SLC6A3: variants seen among roughly 807,000 people sequenced by gnomAD.
SLC6A3 encodes solute carrier family 6 member 3.
In SLC6A3, 19 loss-of-function variants were observed where a neutral mutation model predicts 70.4. The ratio of observed to expected loss-of-function variants is 0.27; its 90% CI spans 0.19 to 0.40. The LOEUF (loss-of-function observed/expected upper bound fraction) is 0.40, where lower values mean the gene tolerates loss of function less well. Ranked by LOEUF, SLC6A3 falls within the 10% of genes least tolerant of loss-of-function variation. SLC6A3 has a pLI of 1.00. For missense variants in SLC6A3, 613 were observed against 838.5 expected, an observed-to-expected ratio of 0.73 and a Z score of 3.32; for synonymous variants, 368 against 356.6, an observed-to-expected ratio of 1.03 and a Z score of -0.36.
intron 4 of SLC6A3, among the ~76,000 whole-genome samples, chr5:1,427,881 A>G (rs1228302767): frequency 2.0e-5 from 3 of 152,236 alleles, no homozygotes; most frequent in Admixed American, 6.5e-5. Flanking sequence ...AAAGAAATAG[A>G]CAAATCTACA....
rs913305701 is a variant in SLC6A3 at position 1,406,088 on chromosome 5, C to G, written c.1599+100G>C. 2.3e-6 allele frequency: 2 copies of G among 852,108 alleles called. No individual in the cohort carries two copies. The highest frequency in any genetic ancestry group is 3.3e-5 in the African/African-American group (2 of 60,382). The allele number at this position is 852,108 out of a possible 1,614,324, so 52.8% of individuals were successfully genotyped here. ...GAGTCTTGAGGCCCCTGACTCCAGC[C>G]ACAGTGACAACCCACATGCGGGCGC... On this transcript the variant is annotated intron_variant, in intron 12 of 14. Transcript: ENST00000270349. The surrounding 1 kb of genome is among the most constrained non-coding windows in gnomAD (Gnocchi z 8.8).
In SLC6A3 at chr5:1,413,018, G is replaced by C. The variant is rs547160656; in HGVS notation, c.1157-1663C>G. Among the ~76,000 whole-genome samples, 1 of 152,362 alleles carries C rather than the reference G, an allele frequency of 6.6e-6. No individual in the cohort carries two copies. Among genetic ancestry groups the C allele is most frequent in the African/African-American group, 2.4e-5 (1 of 41,598 alleles). On this transcript the variant is annotated intron_variant, in intron 8 of 14. Transcript: ENST00000270349. This position sits in a 1 kb window ranked among gnomAD's most constrained non-coding sequence, Gnocchi z 7.1. ...CAGGGAATGTAATGTCAACACCCGT[G>C]CCTTCGTTTCTGTACCTAAGTTAAC...
At chr5:1,435,537 A>G (rs1756809286) in intron 3 of SLC6A3, among the ~76,000 whole-genome samples, 1 of 152,214 alleles carries the variant, frequency 6.6e-6, no homozygotes, top group Non-Finnish European at 1.5e-5. Flanking sequence ...GGAGCATGAC[A>G]TCACCATGGC....
At chr5:1,415,664 G>C (rs1039731435) in intron 7 of SLC6A3, among the ~76,000 whole-genome samples, 1 of 152,196 alleles carries the variant, frequency 6.6e-6, no homozygotes, top group Non-Finnish European at 1.5e-5. Context: ...GGCTTCAGGT[G>C]CCTGCCAGTA....
At chr5:1,419,283 C>T (rs1299676509) in intron 6 of SLC6A3, among the ~76,000 whole-genome samples, 2 of 148,480 alleles carry the variant, frequency 1.3e-5, no homozygotes, top group Non-Finnish European at 3.0e-5. Context: ...TATCTACCCA[C>T]CTATCATCCA....
Position 1,437,402 on chromosome 5 carries a change from G to T in SLC6A3, c.418+3957C>A, listed in dbSNP as rs537315151. 2.4e-4 allele frequency among the ~76,000 whole-genome samples: 37 copies of T among 152,096 alleles called. No homozygotes were observed. Among genetic ancestry groups the T allele is most frequent in the Admixed American group, 2.0e-4 (3 of 15,276 alleles). ...GACAGAACAGGAGAGAGACAGAGAG[G>T]AGAAGAGACAGAACAGGAGAGACAC... On this transcript the variant is annotated intron_variant, in intron 3 of 14. Coordinates refer to ENST00000270349, the MANE Select transcript of SLC6A3 (RefSeq NM_001044.5). The surrounding 1 kb of genome is among the most constrained non-coding windows in gnomAD (Gnocchi z 4.8).
chr5:1,406,125 G>T lies in SLC6A3; in HGVS notation c.1599+63C>A. On this transcript the variant is annotated intron_variant, in intron 12 of 14. Transcript: ENST00000270349. The surrounding 1 kb of genome is among the most constrained non-coding windows in gnomAD (Gnocchi z 8.8). The stretch of plus-strand genomic sequence containing the variant: ...CCACATGCGGGCGCTGGACCTCGGG[G>T]CAGGTGCCAGAGTGGGGGCAGTGGG... The T allele has an allele frequency of 8.2e-7, 1 of 1,224,942 alleles. No homozygotes were observed. Among genetic ancestry groups the T allele is most frequent in the Non-Finnish European group, 1.2e-6 (1 of 825,914 alleles). The allele number at this position is 1,224,942 out of a possible 1,614,324, so 75.9% of individuals were successfully genotyped here.
At chr5:1,432,790 C>T in intron 3 of SLC6A3, 92 bp from the exon 4 acceptor site, 2 of 868,414 alleles carry the variant, frequency 2.3e-6, no homozygotes, top group South Asian at 1.4e-5. Flanking sequence ...TCACGGGAGA[C>T]ATTACCCTGA....
intron 7 of SLC6A3, among the ~76,000 whole-genome samples, chr5:1,415,100 C>A (rs1054509191): frequency 2.6e-5 from 4 of 152,068 alleles, no homozygotes; most frequent in African/African-American, 7.2e-5. Context: ...GACACCTCAC[C>A]CAGGGCAGAT....
intron 4 of SLC6A3, among the ~76,000 whole-genome samples, chr5:1,430,782 G>A (rs1756681620): frequency 9.5e-5 from 1 of 10,474 alleles, no homozygotes; most frequent in African/African-American, 3.8e-4. Flanking sequence ...CAGAGGCGAG[G>A]TGGGGGCTTC....
At chr5:1,433,258 G>T (rs1394685863) in intron 3 of SLC6A3, among the ~76,000 whole-genome samples, 5 of 151,468 alleles carry the variant, frequency 3.3e-5, no homozygotes, top group Admixed American at 1.3e-4. Context: ...TACCTAGGGA[G>T]CCCATGCAAA....
chr5:1,416,406 G>A, intron 6 of SLC6A3: 1 of 618,826 alleles, frequency 1.6e-6, no homozygotes, highest in Non-Finnish European at 2.9e-6. Context: ...AAGAGCCTGA[G>A]AAGCAGGGGG....
chr5:1,438,148 A>T lies in SLC6A3; in HGVS notation c.418+3211T>A, dbSNP rs772021520. Among the ~76,000 whole-genome samples, 2 of 152,240 alleles carry T rather than the reference A, an allele frequency of 1.3e-5. No individual in the cohort carries two copies. The highest frequency in any genetic ancestry group is 2.9e-5 in the Non-Finnish European group (2 of 68,040). ...AAGTCCAGCTTTCTTGCACTGATTCATCTATCCCTTCGTGGGTCGAACAGT... is the reference window on the plus strand; with the variant it reads ...AAGTCCAGCTTTCTTGCACTGATTCTTCTATCCCTTCGTGGGTCGAACAGT... On this transcript the variant is annotated intron_variant, in intron 3 of 14. Coordinates refer to ENST00000270349, the MANE Select transcript of SLC6A3 (RefSeq NM_001044.5). This position sits in a 1 kb window ranked among gnomAD's most constrained non-coding sequence, Gnocchi z 6.5.
At chr5:1,416,889 G>A (rs191676337) in intron 6 of SLC6A3, among the ~76,000 whole-genome samples, 7 of 151,544 alleles carry the variant, frequency 4.6e-5, no homozygotes, top group Admixed American at 1.3e-4. Flanking sequence ...AACAACCCTC[G>A]GAACAGCACA....
intron 4 of SLC6A3, among the ~76,000 whole-genome samples, chr5:1,425,520 A>T (rs529475195): frequency 1.1e-4 from 17 of 152,252 alleles, no homozygotes; most frequent in Non-Finnish European, 2.1e-4. Flanking sequence ...TTCACATGAT[A>T]TAGAAAAATT....
rs1324927430 is a variant in SLC6A3 at position 1,411,139 on chromosome 5, G to A, written c.1269+104C>T. The A allele has an allele frequency of 1.3e-5, 10 of 799,218 alleles. No individual in the cohort carries two copies. Among genetic ancestry groups the A allele is most frequent in the Non-Finnish European group, 2.1e-5 (10 of 469,528 alleles). The allele number at this position is 799,218 out of a possible 1,614,324, so 49.5% of individuals were successfully genotyped here. On this transcript the variant is annotated intron_variant, in intron 9 of 14. Coordinates refer to ENST00000270349, the MANE Select transcript of SLC6A3 (RefSeq NM_001044.5). The surrounding 1 kb of genome is among the most constrained non-coding windows in gnomAD (Gnocchi z 6.5). ...GTCAAGGACAGGAGGTCTGGGGGCC[G>A]TACGTGAGCCCAGGGATCTTGCCTA...
chr5:1,397,234 T>C lies in SLC6A3; in HGVS notation c.1840-2476A>G, dbSNP rs1755741590. 2.0e-5 allele frequency among the ~76,000 whole-genome samples: 3 copies of C among 151,996 alleles called. No homozygotes were observed. Among genetic ancestry groups the C allele is most frequent in the South Asian group, 4.1e-4 (2 of 4,824 alleles). ...TTCACAGAATGACAAGATTTGTGAA[T>C]CCACAGATCTGGCCACAAAACATAT... On this transcript the variant is annotated intron_variant, in intron 14 of 14. Transcript: ENST00000270349. This position sits in a 1 kb window ranked among gnomAD's most constrained non-coding sequence, Gnocchi z 4.7.
rs529450919 is a variant in SLC6A3, at chr5:1,438,456, C to T, written c.418+2903G>A. On this transcript the variant is annotated intron_variant, in intron 3 of 14. Transcript: ENST00000270349. This position sits in a 1 kb window ranked among gnomAD's most constrained non-coding sequence, Gnocchi z 6.5. ...ATCCGCCGGCTGCATTTCTTCAGAA[C>T]GAGGTGCCACTGCTCACGCTGATGG... Among the ~76,000 whole-genome samples the T allele has an allele frequency of 5.3e-5, 8 of 152,346 alleles. No individual in the cohort carries two copies. Among genetic ancestry groups the T allele is most frequent in the African/African-American group, 1.4e-4 (6 of 41,586 alleles).
Position 1,402,855 on chromosome 5 carries a change from A to G in SLC6A3, c.1767+67T>C, listed in dbSNP as rs1560906204. 3 of 1,524,922 alleles carry G rather than the reference A, an allele frequency of 2.0e-6. No individual in the cohort carries two copies. The highest frequency in any genetic ancestry group is 1.8e-5 in the Admixed American group (1 of 56,428). The allele number at this position is 1,524,922 out of a possible 1,614,324, so 94.5% of individuals were successfully genotyped here. A position where few individuals can be genotyped will look rare whatever the true frequency, so the allele number is the denominator to read the frequency against. On this transcript the variant is annotated intron_variant, in intron 13 of 14. Coordinates refer to ENST00000270349, the MANE Select transcript of SLC6A3 (RefSeq NM_001044.5). This position sits in a 1 kb window ranked among gnomAD's most constrained non-coding sequence, Gnocchi z 8.5. ...ACCCAGGCAGGTGAGGACTGGGGCC[A>G]TGGACACCCACGGAGCCTTTCTGGT...
Sources: allele counts gnomAD v4.1 joint callset (sites outside exome capture counted in the v4.1 genomes callset), GRCh38; gene constraint gnomAD v4.1.1; non-coding constraint Gnocchi (gnomAD v3.1); transcripts MANE v1.5; gene names NCBI Gene and HGNC (gene_info 2026-07-23, HGNC 2026-07-21).